Variants in NFIA observed in about 807,000 individuals in gnomAD.
The protein encoded by NFIA is nuclear factor I A.
A neutral mutation model predicts 62.8 loss-of-function variants in NFIA; 8 were observed. The observed-to-expected ratio is 0.13, with a 90% CI of 0.07 to 0.23. The LOEUF is 0.23. NFIA is among the 10% of genes least tolerant of loss of function. The pLI is 1.00. For synonymous variants in NFIA, 235 were observed against 238.1 expected, an observed-to-expected ratio of 0.99 and a Z score of 0.12; for missense variants, 410 against 642.1, an observed-to-expected ratio of 0.64 and a Z score of 3.91.
intron 3 of NFIA, among the ~76,000 whole-genome samples, chr1:61,315,908 T>G (rs1379340682): frequency 6.6e-6 from 1 of 152,196 alleles, no homozygotes; most frequent in African/African-American, 2.4e-5. Flanking sequence ...TGTGGACTTT[T>G]AGGTACAATG....
Position 61,082,707 on chromosome 1 carries a change from CCT to C in NFIA, c.-82_-81del. 6.5e-7 allele frequency: 1 copy of C among 1,542,392 alleles called. No individual in the cohort carries two copies. The highest frequency in any genetic ancestry group is 8.8e-7 in the Non-Finnish European group (1 of 1,141,984). ...CTCTCTCTCTCTCTCTTCCTCTCTC[CCT>C]CTTTCTCCTCTCTCACCCACACTCA... On this transcript the variant is annotated 5_prime_UTR_variant, in exon 1 of 11. Transcript: ENST00000403491.
At chr1:61,264,650 T>A (rs1657029913) in intron 2 of NFIA, among the ~76,000 whole-genome samples, 1 of 51,494 alleles carries the variant, frequency 1.9e-5, no homozygotes, top group African/African-American at 1.1e-4. Context: ...AAACTCCACC[T>A]TACAAAAAAA....
chr1:61,198,607 C>G (rs1440727845), intron 2 of NFIA, among the ~76,000 whole-genome samples: 1 of 152,202 alleles, frequency 6.6e-6, no homozygotes, highest in African/African-American at 2.4e-5. Flanking sequence ...GTTCTTCACT[C>G]TCTATCTGAA....
chr1:61,326,590 C>T (rs1430940219), intron 3 of NFIA, among the ~76,000 whole-genome samples: 1 of 152,168 alleles, frequency 6.6e-6, no homozygotes, highest in Non-Finnish European at 1.5e-5. Context: ...ACAGAAGATA[C>T]TTCCCCTCCT....
chr1:61,372,568 ATTG>A (rs145542396), intron 6 of NFIA, among the ~76,000 whole-genome samples: 9,573 of 137,734 alleles, frequency 0.07, 472 homozygotes, highest in African/African-American at 0.15. Context: ...CTGATATGTC[ATTG>A]TTGTTAAAAA....
At chr1:61,392,298 A>G (rs1430016788) in intron 7 of NFIA, among the ~76,000 whole-genome samples, 2 of 152,130 alleles carry the variant, frequency 1.3e-5, no homozygotes, top group Non-Finnish European at 2.9e-5. Context: ...AGAACCAGCT[A>G]TTACTGCCCA....
chr1:61,184,562 A>G (rs1481706344), intron 2 of NFIA, among the ~76,000 whole-genome samples: 3 of 152,270 alleles, frequency 2.0e-5, no homozygotes, highest in Admixed American at 1.3e-4. Flanking sequence ...CCAAGGGTAC[A>G]GCACACTCGC....
rs748906956 is a variant in NFIA, at chr1:61,110,968, A to G, written c.559+22288A>G. ...GTTGAAACTTACAAGTTTGCAATCAATAGAAGAGTTTGATTAATATGAGCA... is the reference window on the plus strand; with the variant it reads ...GTTGAAACTTACAAGTTTGCAATCAGTAGAAGAGTTTGATTAATATGAGCA... On this transcript the variant is annotated intron_variant, in intron 2 of 10. Coordinates refer to ENST00000403491, the MANE Select transcript of NFIA (RefSeq NM_001134673.4). 2.9e-4 allele frequency among the ~76,000 whole-genome samples: 44 copies of G among 152,290 alleles called. 1 individual carries two copies. The highest frequency in any genetic ancestry group is 8.8e-5 in the Non-Finnish European group (6 of 67,970).
intron 2 of NFIA, among the ~76,000 whole-genome samples, chr1:61,170,613 C>T (rs1649895307): frequency 6.6e-6 from 1 of 152,186 alleles, no homozygotes; most frequent in Non-Finnish European, 1.5e-5. Flanking sequence ...CCCCCACACC[C>T]CCAGACCTTT....
chr1:61,385,100 G>A (rs1478409034), intron 7 of NFIA, among the ~76,000 whole-genome samples: 1 of 150,320 alleles, frequency 6.7e-6, no homozygotes, highest in East Asian at 1.9e-4. Context: ...GCCAGGTGTG[G>A]TGGCACATGC....
At chr1:61,195,494 CTCT>C (rs748084255) in intron 2 of NFIA, among the ~76,000 whole-genome samples, 30 of 152,110 alleles carry the variant, frequency 2.0e-4, no homozygotes, top group Non-Finnish European at 2.5e-4. Flanking sequence ...GTGTACCCTC[CTCT>C]GTCTGTATAT....
chr1:61,096,187 A>G (rs551184760), intron 2 of NFIA, among the ~76,000 whole-genome samples: 5 of 152,286 alleles, frequency 3.3e-5, no homozygotes, highest in African/African-American at 9.6e-5. Flanking sequence ...TCGTGCCCTT[A>G]AATTAGTGAA....
intron 6 of NFIA, among the ~76,000 whole-genome samples, chr1:61,372,044 G>T (rs977333499): frequency 6.6e-6 from 1 of 152,086 alleles, no homozygotes; most frequent in South Asian, 2.1e-4. Flanking sequence ...TCCAAAAAAA[G>T]GTGTGAATGT....
Position 61,362,548 on chromosome 1 carries a change from T to C in NFIA, c.946+3274T>C, listed in dbSNP as rs559743405. ...CAAATTTCCTAGAGCAACAGGAAGATTGTGGAAAGTAAAACAAACCAGACA... is the reference window on the plus strand; with the variant it reads ...CAAATTTCCTAGAGCAACAGGAAGACTGTGGAAAGTAAAACAAACCAGACA... On this transcript the variant is annotated intron_variant, in intron 6 of 10. Coordinates refer to ENST00000403491, the MANE Select transcript of NFIA (RefSeq NM_001134673.4). Among the ~76,000 whole-genome samples the C allele has an allele frequency of 5.3e-5, 8 of 152,346 alleles. No individual in the cohort carries two copies. The South Asian group carries it at 1.5e-3, about 28-fold the overall frequency.
At chr1:61,435,138 T>C (rs1667269689) in intron 10 of NFIA, among the ~76,000 whole-genome samples, 1 of 152,180 alleles carries the variant, frequency 6.6e-6, no homozygotes, top group African/African-American at 2.4e-5. Context: ...AAGGGAAATG[T>C]ACTGGGTACT....
At chr1:61,230,510 C>T (rs1654608096) in intron 2 of NFIA, among the ~76,000 whole-genome samples, 2 of 152,112 alleles carry the variant, frequency 1.3e-5, no homozygotes, top group South Asian at 4.1e-4. Flanking sequence ...AATTCCTATC[C>T]TACCCTATGT....
At chr1:61,083,081 G>A (rs1033738822) in intron 1 of NFIA, among the ~76,000 whole-genome samples, 21 of 152,310 alleles carry the variant, frequency 1.4e-4, no homozygotes, top group Admixed American at 1.1e-3. Flanking sequence ...ATGGCTAATG[G>A]CGCCCTCTTA....
At chr1:61,141,747 T>C (rs1647550612) in intron 2 of NFIA, among the ~76,000 whole-genome samples, 1 of 152,224 alleles carries the variant, frequency 6.6e-6, no homozygotes, top group African/African-American at 2.4e-5. Context: ...ACCAAAATAG[T>C]TTCATTAACA....
At chr1:61,283,813 A>G (rs548662879) in intron 3 of NFIA, among the ~76,000 whole-genome samples, 1 of 152,186 alleles carries the variant, frequency 6.6e-6, no homozygotes, top group South Asian at 2.1e-4. Flanking sequence ...CAATATTTAT[A>G]TATAGTGGGA....
Sources: gnomAD v4.1 joint callset for allele counts (sites outside exome capture counted in the v4.1 genomes callset) on GRCh38, gnomAD v4.1.1 for gene constraint, MANE v1.5 for transcripts, NCBI Gene and HGNC (gene_info 2026-07-23, HGNC 2026-07-21) for gene names.